ELMOD3: variants seen among roughly 807,000 people sequenced by gnomAD.
ELMOD3 encodes the protein ELMO domain-containing protein 3.
A neutral mutation model predicts 47.4 loss-of-function variants in ELMOD3; 36 were observed. The ratio of observed to expected loss-of-function variants is 0.76; its 90% confidence interval spans 0.58 to 1.00. The LOEUF is 1.00. Among genes scored for constraint, ELMOD3 ranks in the 50% least tolerant of loss-of-function variants. The pLI is 0.00. For synonymous variants in ELMOD3, 149 were observed against 183.5 expected, an observed-to-expected ratio of 0.81 and a Z score of 1.52; for missense variants, 404 against 463.8, an observed-to-expected ratio of 0.87 and a Z score of 1.18.
At chr2:85,374,783 G>A (rs1314153905) in intron 10 of ELMOD3, among the ~76,000 whole-genome samples, 1 of 152,166 alleles carries the variant, frequency 6.6e-6, no homozygotes, top group Non-Finnish European at 1.5e-5. Context: ...TTACACGCTA[G>A]CCTGGGTGAC....
chr2:85,387,088 T>C (rs1325029536), intron 11 of ELMOD3: 1 of 1,301,898 alleles, frequency 7.7e-7, no homozygotes, highest in Non-Finnish European at 1.0e-6. Context: ...TTTCTCATAT[T>C]TATTTTTAGA....
At chr2:85,364,825 A>ATATATATTTTTTTT (rs375582916) in intron 6 of ELMOD3, among the ~76,000 whole-genome samples, 2 of 69,890 alleles carry the variant, frequency 2.9e-5, no homozygotes, top group African/African-American at 1.3e-4. Flanking sequence ...ATATATATAT[A>ATATATATTTTTTTT]TTTTTTTTTT....
intron 6 of ELMOD3, among the ~76,000 whole-genome samples, chr2:85,364,058 G>A (rs910071698): frequency 1.9e-4 from 29 of 152,092 alleles, no homozygotes; most frequent in African/African-American, 7.0e-4. Flanking sequence ...GAACCCAGGA[G>A]GTGGAGGTTG....
intron 6 of ELMOD3, 184 bp from the exon 7 acceptor site, chr2:85,368,502 T>C (rs1250365929): frequency 1.7e-6 from 1 of 592,142 alleles, no homozygotes; most frequent in East Asian, 2.9e-5. Context: ...TCAAAAATCC[T>C]GTGCTGATCA....
chr2:85,366,398 A>T (rs1558698263), intron 6 of ELMOD3, among the ~76,000 whole-genome samples: 1 of 152,180 alleles, frequency 6.6e-6, no homozygotes, highest in Non-Finnish European at 1.5e-5. Flanking sequence ...TCCAAGGCTC[A>T]GTGTCTGCTA....
chr2:85,366,855 C>T (rs1472958832), intron 6 of ELMOD3, among the ~76,000 whole-genome samples: 2 of 152,160 alleles, frequency 1.3e-5, no homozygotes, highest in African/African-American at 4.8e-5. Context: ...GGAGCTGTCC[C>T]AACCTACTAT....
intron 11 of ELMOD3, among the ~76,000 whole-genome samples, chr2:85,389,344 G>T (rs569009584): frequency 6.6e-6 from 1 of 152,190 alleles, no homozygotes; most frequent in South Asian, 2.1e-4. Flanking sequence ...TTAAGAACCC[G>T]TAGGGCTAGT....
Position 85,371,553 on chromosome 2 carries a change from G to A in ELMOD3, c.598G>A (p.Gly200Ser). The change falls in exon 10 of 14, where the codon GGC (glycine) becomes AGC (serine). Residue 200 changes from glycine (G) to serine (S), a missense_variant. Coordinates refer to ENST00000409013, the MANE Select transcript of ELMOD3 (RefSeq NM_001135022.2). ...TCATGGAAACCACTGGGAGGACCTG[G>A]GCTTTCAGGGTAAGAGGGAGGAGTA... Reference protein sequence around the residue: ...ALHGNHWEDLGFQGANPATDL... With the variant: ...ALHGNHWEDLSFQGANPATDL... 6.2e-7 allele frequency: 1 copy of A among 1,614,180 alleles called. No individual in the cohort carries two copies. Among genetic ancestry groups the A allele is most frequent in the African/African-American group, 1.3e-5 (1 of 75,048 alleles).
At chr2:85,365,729 A>G (rs2104541421) in intron 6 of ELMOD3, among the ~76,000 whole-genome samples, 1 of 152,280 alleles carries the variant, frequency 6.6e-6, no homozygotes, top group South Asian at 2.1e-4. Flanking sequence ...TTTTGACAGC[A>G]TATTCCCACC....
rs1684576093 is a variant in ELMOD3 at position 85,368,705 on chromosome 2, C to G, written c.219C>G (p.Val73=). ...TTGCAGTTGTGAGTACAGAGGTGGT[C>G]AGAGCCCAAGAAGAATGGGAAGCTG... ...WEPRVVSTEV[V]RAQEEWEAVD... is the part of the protein sequence containing the mutation. The change falls in exon 7 of 14, where the codon GTC becomes GTG. Residue 73 remains valine (V), a synonymous_variant. Coordinates refer to ENST00000409013, the MANE Select transcript of ELMOD3 (RefSeq NM_001135022.2). 2 of 1,614,070 alleles carry G rather than the reference C, an allele frequency of 1.2e-6. No homozygotes were observed. Among genetic ancestry groups the G allele is most frequent in the Non-Finnish European group, 1.7e-6 (2 of 1,180,012 alleles).
intron 6 of ELMOD3, 50 bp downstream of exon 6, chr2:85,363,216 C>T (rs369014095): frequency 1.6e-5 from 16 of 1,003,386 alleles, no homozygotes; most frequent in African/African-American, 1.6e-4. Context: ...CCAAGTCAGA[C>T]CTTCCCATGC....
intron 6 of ELMOD3, chr2:85,367,467 T>G (rs1684467193): frequency 6.6e-6 from 1 of 152,280 alleles, no homozygotes; most frequent in Non-Finnish European, 1.5e-5. Context: ...TAGTTCTGGA[T>G]GGCCCTGGGG....
chr2:85,360,863 C>G (rs991494336), intron 4 of ELMOD3: 1 of 230,988 alleles, frequency 4.3e-6, no homozygotes, highest in Admixed American at 4.9e-5. Flanking sequence ...ATTGTATCAT[C>G]TGGGAATATT....
intron 10 of ELMOD3, among the ~76,000 whole-genome samples, chr2:85,375,048 A>C (rs866662242): frequency 2.0e-5 from 3 of 151,646 alleles, no homozygotes; most frequent in African/African-American, 7.3e-5. Context: ...GTGCCACTGC[A>C]CTCCAGCCTG....
intron 11 of ELMOD3, chr2:85,386,976 T>C (rs1172377410): frequency 3.4e-6 from 4 of 1,179,802 alleles, no homozygotes; most frequent in African/African-American, 1.6e-5. Flanking sequence ...CACTCCAGCC[T>C]GAGCAACAAG....
At chr2:85,364,825 A>ATATATATATATATATATTTTTTTT (rs375582916) in intron 6 of ELMOD3, among the ~76,000 whole-genome samples, 2 of 69,892 alleles carry the variant, frequency 2.9e-5, no homozygotes, top group African/African-American at 1.3e-4. Context: ...ATATATATAT[A>ATATATATATATATATATTTTTTTT]TTTTTTTTTT....
At chr2:85,390,082 C>T (rs568639042) in intron 12 of ELMOD3, 56 bp from the exon 13 acceptor site, 2 of 1,529,140 alleles carry the variant, frequency 1.3e-6, no homozygotes, top group Non-Finnish European at 1.8e-6. Flanking sequence ...CGGGAGGGAA[C>T]CTAGGTCTCA....
intron 5 of ELMOD3, 95 bp downstream of exon 5, chr2:85,362,355 G>A: frequency 1.2e-6 from 1 of 836,490 alleles, no homozygotes; most frequent in Non-Finnish European, 2.1e-6. Flanking sequence ...GGGACACAAG[G>A]GTGGCATAGA....
chr2:85,368,605 AG>A, intron 6 of ELMOD3, 80 bp from the exon 7 acceptor site: 1 of 1,420,406 alleles, frequency 7.0e-7, no homozygotes, highest in Non-Finnish European at 9.9e-7. Context: ...GGCCCAAGGC[AG>A]GCAGACAAGG....
Sources: gnomAD v4.1 joint callset for allele counts (sites outside exome capture counted in the v4.1 genomes callset) on GRCh38, gnomAD v4.1.1 for gene constraint, MANE v1.5 for transcripts, NCBI Gene and HGNC (gene_info 2026-07-23, HGNC 2026-07-21) for gene names.